The following OR1B1 variants were observed in gnomAD, a reference collection of about 807,000 sequenced individuals.
The protein encoded by OR1B1 is olfactory receptor 1B1.
For synonymous variants in OR1B1, 168 were observed against 156.2 expected, an observed-to-expected ratio of 1.08 and a Z score of -0.57; for missense variants, 414 against 402.1, an observed-to-expected ratio of 1.03 and a Z score of -0.25.
chr9:122,629,123 A>T, exon 1 of OR1B1: 3 of 1,614,140 alleles, frequency 1.9e-6, no homozygotes, highest in Non-Finnish European at 2.5e-6. Context: ...TTGGTGATTC[A>T]TTACCAAAGC....
the OR1B1 span, among the ~76,000 whole-genome samples, chr9:122,645,343 AAGAG>A: frequency 6.6e-6 from 1 of 152,062 alleles, no homozygotes; most frequent in Non-Finnish European, 1.5e-5. Flanking sequence ...AGGAGGTAGA[AAGAG>A]AGAAAGAGAT....
chr9:122,652,919 C>G, the OR1B1 span, among the ~76,000 whole-genome samples: 1 of 152,096 alleles, frequency 6.6e-6, no homozygotes, highest in Non-Finnish European at 1.5e-5. Flanking sequence ...GAAGTCAAAG[C>G]CCCCTGCTCC....
At chr9:122,633,768 A>G (rs1830227257), upstream of OR1B1, among the ~76,000 whole-genome samples, 2 of 151,780 alleles carry the variant, frequency 1.3e-5, no homozygotes, top group African/African-American at 4.8e-5. Context: ...CGTCTCTACT[A>G]AAAATACAAA....
upstream of OR1B1, among the ~76,000 whole-genome samples, chr9:122,632,404 A>AAGTT (rs530718110): frequency 9.9e-5 from 15 of 152,272 alleles, 1 homozygote; most frequent in South Asian, 3.1e-3. Flanking sequence ...CTGAAGAGAG[A>AAGTT]AGTTAGTTCT....
chr9:122,646,722 C>T, the OR1B1 span, among the ~76,000 whole-genome samples: 3 of 152,032 alleles, frequency 2.0e-5, no homozygotes, highest in Non-Finnish European at 4.4e-5. Context: ...ATTATTAGAG[C>T]TAAAGAGAGG....
chr9:122,646,163 G>A, the OR1B1 span, among the ~76,000 whole-genome samples: 43 of 151,984 alleles, frequency 2.8e-4, no homozygotes, highest in Non-Finnish European at 4.7e-4. Context: ...TGCAAGCCTC[G>A]TGGTAACCTC....
chr9:122,628,517 A>T (rs1588241034), downstream of OR1B1: 1 of 1,145,698 alleles, frequency 8.7e-7, no homozygotes, highest in African/African-American at 1.5e-5. Context: ...CCCAAAACCA[A>T]CTCTGCTCAG....
At chr9:122,655,041 C>T in the OR1B1 span, among the ~76,000 whole-genome samples, 1 of 152,154 alleles carries the variant, frequency 6.6e-6, no homozygotes, top group African/African-American at 2.4e-5. Context: ...TCACATTGTA[C>T]TCCATAAATT....
At chr9:122,652,978 T>G in the OR1B1 span, among the ~76,000 whole-genome samples, 1 of 152,144 alleles carries the variant, frequency 6.6e-6, no homozygotes, top group Non-Finnish European at 1.5e-5. Context: ...CAATGTGGGA[T>G]CCACCTGGAG....
chr9:122,646,280 A>G, the OR1B1 span, among the ~76,000 whole-genome samples: 5 of 152,244 alleles, frequency 3.3e-5, no homozygotes, highest in Non-Finnish European at 5.9e-5. Flanking sequence ...AGGAAGGAAA[A>G]AAAGAAAGAG....
At position 122,628,794 on chromosome 9, in the gene OR1B1, C is replaced by A. The variant is rs1161156370; in HGVS notation, c.742G>T (p.Gly248Ter). The stretch of plus-strand genomic sequence containing the variant: ...AAACCAACCATGGTGAGGTGGGATC[C>A]ACAGGTGGAGACTGCTCGGCGGCGA... Residue 248 changes from glycine (G) to a stop codon, truncating the protein, a stop_gained, in exon 1 of 1, where the codon GGA (glycine) becomes TGA (stop). Transcript: ENST00000623530. LOFTEE classifies it low-confidence loss of function (END_TRUNC). The A allele has an allele frequency of 6.2e-7, 1 of 1,614,078 alleles. No homozygotes were observed. The highest frequency in any genetic ancestry group is 1.1e-5 in the South Asian group (1 of 91,078).
At chr9:122,636,618 A>AAAAT in the OR1B1 span, among the ~76,000 whole-genome samples, 3,983 of 152,174 alleles carry the variant, frequency 0.026, 177 homozygotes, top group African/African-American at 0.089. Flanking sequence ...CTCTGTCTCA[A>AAAAT]AAATAAATAA....
At position 122,628,829 on chromosome 9, in the gene OR1B1, G is replaced by GA. The variant is rs1564218601; in HGVS notation, c.706dup (p.Ser236PhefsTer62). ...GACTGCTCGGCGGCGACCAGCAGCT[G>GA]AAGGCAAACGTAGAATAGCGGCCCC... On this transcript the variant is annotated frameshift_variant, in exon 1 of 1. Transcript: ENST00000623530. LOFTEE classifies it low-confidence loss of function (END_TRUNC). 6.2e-7 allele frequency: 1 copy of GA among 1,614,162 alleles called. No individual in the cohort carries two copies. Among genetic ancestry groups the GA allele is most frequent in the South Asian group, 1.1e-5 (1 of 91,078 alleles).
At chr9:122,652,307 T>C in the OR1B1 span, among the ~76,000 whole-genome samples, 7 of 152,186 alleles carry the variant, frequency 4.6e-5, no homozygotes, top group African/African-American at 7.2e-5. Context: ...GCTAGAAAAG[T>C]TTGGGCTAAA....
chr9:122,650,136 A>G, the OR1B1 span, among the ~76,000 whole-genome samples: 1 of 152,186 alleles, frequency 6.6e-6, no homozygotes, highest in African/African-American at 2.4e-5. Flanking sequence ...ATTCTCAGCA[A>G]ACTAACACAG....
At chr9:122,631,454 G>A, upstream of OR1B1, among the ~76,000 whole-genome samples, 1 of 152,204 alleles carries the variant, frequency 6.6e-6, no homozygotes, top group South Asian at 2.1e-4. Context: ...TGGGATTACA[G>A]GTGTGAGCCA....
chr9:122,650,280 A>T, the OR1B1 span, among the ~76,000 whole-genome samples: 1 of 152,144 alleles, frequency 6.6e-6, no homozygotes, highest in Admixed American at 6.5e-5. Context: ...GGCTCGCATT[A>T]GGAGAAATAC....
At chr9:122,646,135 G>A in the OR1B1 span, among the ~76,000 whole-genome samples, 144 of 152,098 alleles carry the variant, frequency 9.5e-4, no homozygotes, top group African/African-American at 3.3e-3. Flanking sequence ...TTAAAATGAT[G>A]GGTTATAAGA....
At chr9:122,640,257 C>T in the OR1B1 span, among the ~76,000 whole-genome samples, 1 of 152,064 alleles carries the variant, frequency 6.6e-6, no homozygotes, top group Non-Finnish European at 1.5e-5. Flanking sequence ...CCTCCTCCCT[C>T]CAAGTGGTTA....
Sources: allele counts gnomAD v4.1 joint callset (sites outside exome capture counted in the v4.1 genomes callset), GRCh38; gene constraint gnomAD v4.1.1; transcripts MANE v1.5; gene names NCBI Gene and HGNC (gene_info 2026-07-23, HGNC 2026-07-21).